The following DCAF5 variants were observed in gnomAD, a reference collection of about 807,000 sequenced individuals.
DCAF5 encodes the protein DDB1 and CUL4 associated factor 5, also known as DDB1- and CUL4-associated factor 5.
In DCAF5, 9 loss-of-function variants were observed where a neutral mutation model predicts 80.7. The observed-to-expected ratio is 0.11, with a 90% CI of 0.07 to 0.19. The LOEUF is 0.19. DCAF5 is among the 10% of genes least tolerant of loss of function. The pLI is 1.00. For missense variants in DCAF5, 842 were observed against 1,205.7 expected, an observed-to-expected ratio of 0.70 and a Z score of 4.47; for synonymous variants, 433 against 461.9, an observed-to-expected ratio of 0.94 and a Z score of 0.80.
chr14:69,129,204 G>A (rs139254188), intron 1 of DCAF5, among the ~76,000 whole-genome samples: 63 of 152,190 alleles, frequency 4.1e-4, no homozygotes, highest in Non-Finnish European at 7.8e-4. Flanking sequence ...CCAATCCATG[G>A]GAGATTGGAA....
chr14:69,091,690 G>A lies in DCAF5; in HGVS notation c.863C>T (p.Ala288Val). Reference protein sequence around the residue: ...NSCTMKSCCFAGDRDQYILSG... With the variant: ...NSCTMKSCCFVGDRDQYILSG... ...AGCATTTACCTGGTCACGATCTCCT[G>A]CAAAACAGCAGCTTTTCATGGTGCA... The change falls in exon 6 of 9, where the codon GCA becomes GTA. Residue 288 changes from alanine (A) to valine (V), a missense_variant. Ala to Val is a moderately conservative substitution (Grantham distance 64). Around this residue, in one of 5 missense-constraint regions of DCAF5, gnomAD observed 65 missense variants for 191.3 expected, o/e 0.34. Coordinates refer to ENST00000341516, the MANE Select transcript of DCAF5 (RefSeq NM_003861.3). 1 of 1,614,138 alleles carries A rather than the reference G, an allele frequency of 6.2e-7. No homozygotes were observed. The highest frequency in any genetic ancestry group is 1.1e-5 in the South Asian group (1 of 91,084).
At chr14:69,135,242 G>A (rs2041155594) in intron 1 of DCAF5, among the ~76,000 whole-genome samples, 1 of 152,192 alleles carries the variant, frequency 6.6e-6, no homozygotes, top group Non-Finnish European at 1.5e-5. Context: ...AAAACCACTG[G>A]TGCCTTGGCG....
At chr14:69,069,786 T>A (rs8003335) in intron 7 of DCAF5, among the ~76,000 whole-genome samples, 188 of 151,290 alleles carry the variant, frequency 1.2e-3, no homozygotes, top group African/African-American at 4.3e-3. Context: ...CAGTTAGTTT[T>A]AAAAAAAAAG....
At chr14:69,099,183 C>T (rs1420022171) in intron 5 of DCAF5, among the ~76,000 whole-genome samples, 10 of 148,028 alleles carry the variant, frequency 6.8e-5, no homozygotes, top group Non-Finnish European at 1.3e-4. Context: ...ACCTGGGAGG[C>T]GGAGGTTGCA....
chr14:69,126,329 G>C (rs1044749893), intron 1 of DCAF5, among the ~76,000 whole-genome samples: 1 of 151,874 alleles, frequency 6.6e-6, no homozygotes, highest in Non-Finnish European at 1.5e-5. Flanking sequence ...AGCTCATTTT[G>C]TATTTTTAGT....
At chr14:69,078,801 A>G (rs1287858440) in intron 6 of DCAF5, among the ~76,000 whole-genome samples, 1 of 152,206 alleles carries the variant, frequency 6.6e-6, no homozygotes, top group Non-Finnish European at 1.5e-5. Context: ...TTTGAGATGA[A>G]GAAGAAGTTC....
At chr14:69,114,728 T>C (rs759590165) in intron 5 of DCAF5, among the ~76,000 whole-genome samples, 4 of 152,184 alleles carry the variant, frequency 2.6e-5, no homozygotes, top group Admixed American at 6.5e-5. Context: ...TAAATGTCAC[T>C]GTAAAAATAC....
chr14:69,121,732 T>C (rs1410360412), intron 2 of DCAF5, among the ~76,000 whole-genome samples: 1 of 152,140 alleles, frequency 6.6e-6, no homozygotes, highest in Non-Finnish European at 1.5e-5. Context: ...ATGGAAGCCA[T>C]CACCAAGAGG....
At chr14:69,101,119 G>C (rs1247395535) in intron 5 of DCAF5, among the ~76,000 whole-genome samples, 1 of 152,146 alleles carries the variant, frequency 6.6e-6, no homozygotes, top group Non-Finnish European at 1.5e-5. Context: ...ACTTGACCCT[G>C]ACCACACAAT....
chr14:69,076,351 A>G (rs2038898644), intron 6 of DCAF5, among the ~76,000 whole-genome samples: 1 of 152,232 alleles, frequency 6.6e-6, no homozygotes. Context: ...TTTTCATAGC[A>G]GCATTATTCA....
intron 5 of DCAF5, among the ~76,000 whole-genome samples, chr14:69,103,009 G>A (rs2140009256): frequency 6.6e-6 from 1 of 152,284 alleles, no homozygotes; most frequent in Non-Finnish European, 1.5e-5. Context: ...CATTATGACA[G>A]CTACATTACC....
intron 1 of DCAF5, among the ~76,000 whole-genome samples, chr14:69,138,233 T>A (rs1289100721): frequency 6.6e-6 from 1 of 152,188 alleles, no homozygotes; most frequent in East Asian, 1.9e-4. Context: ...AAGACTTGAA[T>A]GGAAATTCAG....
At chr14:69,080,796 C>T (rs764412464) in intron 6 of DCAF5, among the ~76,000 whole-genome samples, 19 of 152,126 alleles carry the variant, frequency 1.2e-4, no homozygotes, top group Non-Finnish European at 2.5e-4. Flanking sequence ...TCACAACCAA[C>T]GTTCATATTT....
chr14:69,152,668 T>C lies in DCAF5; in HGVS notation c.214+97A>G. 2 of 717,418 alleles carry C rather than the reference T, an allele frequency of 2.8e-6. No individual in the cohort carries two copies. The highest frequency in any genetic ancestry group is 4.1e-6 in the Non-Finnish European group (2 of 488,512). 44.4% of individuals were successfully genotyped at this position (717,418 alleles called of 1,614,324 possible). A position where few individuals can be genotyped will look rare whatever the true frequency, so the allele number is the denominator to read the frequency against. On this transcript the variant is annotated intron_variant, in intron 1 of 8. Coordinates refer to ENST00000341516, the MANE Select transcript of DCAF5 (RefSeq NM_003861.3). The surrounding 1 kb of genome is among the most constrained non-coding windows in gnomAD (Gnocchi z 4.1). ...GAAGGGGGTAGAGAAAGGGAGGGGG[T>C]GGGGACAGAGGGCAGGAGGAGGGTG...
rs2040605704 is a variant in DCAF5, at chr14:69,118,417, T to C, written c.396-139A>G. 3 of 809,836 alleles carry C rather than the reference T, an allele frequency of 3.7e-6. No individual in the cohort carries two copies. The highest frequency in any genetic ancestry group is 5.4e-6 in the Non-Finnish European group (3 of 557,770). The allele number at this position is 809,836 out of a possible 1,614,324, so 50.2% of individuals were successfully genotyped here. ...CTAGCTAAACCCAAAAAATATTATA[T>C]TTCCTGAAAGGTAGGTAGTCAACTT... On this transcript the variant is annotated intron_variant, in intron 3 of 8. Coordinates refer to ENST00000341516, the MANE Select transcript of DCAF5 (RefSeq NM_003861.3). This position sits in a 1 kb window ranked among gnomAD's most constrained non-coding sequence, Gnocchi z 4.0.
At chr14:69,144,124 A>G (rs2041459608) in intron 1 of DCAF5, among the ~76,000 whole-genome samples, 1 of 152,168 alleles carries the variant, frequency 6.6e-6, no homozygotes, top group South Asian at 2.1e-4. Flanking sequence ...TTGCCTTTCT[A>G]TACTACAAAT....
At chr14:69,143,496 A>C (rs1019797000) in intron 1 of DCAF5, among the ~76,000 whole-genome samples, 3 of 152,028 alleles carry the variant, frequency 2.0e-5, no homozygotes, top group African/African-American at 7.2e-5. Flanking sequence ...AATGCCCCCA[A>C]ATAATATTTG....
Position 69,114,490 on chromosome 14 carries a change from A to C in DCAF5, c.665+1876T>G, listed in dbSNP as rs569064001. Among the ~76,000 whole-genome samples the C allele has an allele frequency of 5.9e-5, 9 of 152,312 alleles. No individual in the cohort carries two copies. The South Asian group carries it at 1.9e-3, about 32-fold the overall frequency. On this transcript the variant is annotated intron_variant, in intron 5 of 8. Coordinates refer to ENST00000341516, the MANE Select transcript of DCAF5 (RefSeq NM_003861.3). The stretch of plus-strand genomic sequence containing the variant: ...ATTACTACGTGCTTCCTTCTGTCTC[A>C]ATTTTTTTAAAGGATGCATATGCAT...
At chr14:69,077,365 C>CTTATTTATTTATTTATTTATTTAT (rs71953676) in intron 6 of DCAF5, among the ~76,000 whole-genome samples, 35 of 144,032 alleles carry the variant, frequency 2.4e-4, no homozygotes, top group African/African-American at 7.7e-4. Flanking sequence ...CGACATGTAG[C>CTTATTTATTTATTTATTTATTTAT]TTATTTATTT....
Sources: gnomAD v4.1 joint callset for allele counts (sites outside exome capture counted in the v4.1 genomes callset) on GRCh38, gnomAD v4.1.1 for gene constraint, gnomAD v4.1.1 regional missense constraint, Gnocchi (gnomAD v3.1) non-coding constraint, MANE v1.5 for transcripts, NCBI Gene and HGNC (gene_info 2026-07-23, HGNC 2026-07-21) for gene names.